The following PROS1 variants were observed in gnomAD, a reference collection of about 807,000 sequenced individuals.
PROS1 encodes the protein protein S, also known as vitamin K-dependent protein S.
Under a neutral mutation model 75.9 loss-of-function variants are expected in PROS1, and 29 were observed. That is an observed-to-expected ratio of 0.38 (90% CI 0.28 to 0.52). The LOEUF (loss-of-function observed/expected upper bound fraction) is 0.52, where lower values mean the gene tolerates loss of function less well. Among genes scored for constraint, PROS1 ranks in the 20% least tolerant of loss-of-function variants. PROS1 has a pLI of 0.83. For synonymous variants in PROS1, 245 were observed against 280.6 expected (o/e 0.87, Z 1.27); for missense variants, 680 against 810.3 (o/e 0.84, Z 1.95).
At chr3:93,918,034 G>A (rs1279977302) in intron 3 of PROS1, among the ~76,000 whole-genome samples, 1 of 152,188 alleles carries the variant, frequency 6.6e-6, no homozygotes, top group African/African-American at 2.4e-5. Context: ...ACTGGGTTAA[G>A]CCAGCTGCGC....
At chr3:93,914,095 G>A (rs1471341332) in intron 3 of PROS1, among the ~76,000 whole-genome samples, 3 of 152,246 alleles carry the variant, frequency 2.0e-5, no homozygotes, top group Non-Finnish European at 2.9e-5. Flanking sequence ...CTGGGCGTAG[G>A]CCATGCTGCG....
intron 4 of PROS1, among the ~76,000 whole-genome samples, chr3:93,907,711 A>G (rs1346788945): frequency 6.6e-6 from 1 of 152,228 alleles, no homozygotes; most frequent in Non-Finnish European, 1.5e-5. Context: ...TTCCAGCCAG[A>G]AAAGCAACAC....
At chr3:93,936,048 G>A (rs1030805454) in intron 1 of PROS1, among the ~76,000 whole-genome samples, 9 of 144,876 alleles carry the variant, frequency 6.2e-5, no homozygotes, top group Non-Finnish European at 1.2e-4. Context: ...CATTTTCATT[G>A]TACTTGGCAA....
rs1229022948 is a variant in PROS1 at position 93,884,862 on chromosome 3, C to T, written c.1358G>A (p.Trp453Ter). Reference sequence around the variant, plus strand: ...AGAAGCTCCTTGCTTCATCAAATTCCAGCTTCGTATACATCCATCTAGACG... The same window carrying T: ...AGAAGCTCCTTGCTTCATCAAATTCTAGCTTCGTATACATCCATCTAGACG... ...NPRLDGCIRS[W>*]NLMKQGASGI... is the part of the protein sequence containing the mutation. The change falls in exon 12 of 15, where the codon TGG becomes TAG. Residue 453 changes from tryptophan (W) to a stop codon, truncating the protein, a stop_gained. Coordinates refer to ENST00000394236, the MANE Select transcript of PROS1 (RefSeq NM_000313.4). LOFTEE classifies it high-confidence loss of function. 1 of 1,613,104 alleles carries T rather than the reference C, an allele frequency of 6.2e-7. No individual in the cohort carries two copies. The highest frequency in any genetic ancestry group is 1.3e-5 in the African/African-American group (1 of 74,828).
chr3:93,889,464 T>C (rs1419883405), intron 10 of PROS1, among the ~76,000 whole-genome samples: 2 of 152,222 alleles, frequency 1.3e-5, no homozygotes, highest in African/African-American at 4.8e-5. Flanking sequence ...GATGTAATCA[T>C]TTATAAATTC....
chr3:93,913,196 C>A (rs1708786137), intron 3 of PROS1, among the ~76,000 whole-genome samples: 1 of 152,156 alleles, frequency 6.6e-6, no homozygotes, highest in African/African-American at 2.4e-5. Context: ...CATTCGTTCT[C>A]CTTCCTGCTG....
intron 6 of PROS1, among the ~76,000 whole-genome samples, chr3:93,902,390 C>T (rs1433311026): frequency 6.6e-5 from 10 of 152,140 alleles, no homozygotes; most frequent in Non-Finnish European, 4.4e-5. Flanking sequence ...TTATTTAGAT[C>T]ATACAAGTTT....
At chr3:93,949,041 G>T (rs868419208) in intron 1 of PROS1, among the ~76,000 whole-genome samples, 1 of 152,140 alleles carries the variant, frequency 6.6e-6, no homozygotes, top group Non-Finnish European at 1.5e-5. Flanking sequence ...TGTTTATCAG[G>T]CTCCAGGATT....
chr3:93,878,029 G>A (rs1708217308), intron 13 of PROS1, among the ~76,000 whole-genome samples: 1 of 152,096 alleles, frequency 6.6e-6, no homozygotes, highest in Admixed American at 6.6e-5. Context: ...AATGATCAAT[G>A]ATATCTGGAA....
chr3:93,955,231 T>G (rs1449161421), intron 1 of PROS1, among the ~76,000 whole-genome samples: 1 of 152,200 alleles, frequency 6.6e-6, no homozygotes, highest in Non-Finnish European at 1.5e-5. Context: ...ACTGGGTATA[T>G]ACCCAAAGGA....
rs148869673 is a variant in PROS1, at chr3:93,886,411, C to T, written c.1248G>A (p.Pro416=). The change falls in exon 11 of 15, where the codon CCG becomes CCA. Residue 416 remains proline (P), a synonymous_variant. Coordinates refer to ENST00000394236, the MANE Select transcript of PROS1 (RefSeq NM_000313.4). Reference sequence around the variant, plus strand: ...CTTTGGTTTCCAGCAATCCATTTTCCGGCTTAAAAAGGGGTCCAGGTTTAT... The same window carrying T: ...CTTTGGTTTCCAGCAATCCATTTTCTGGCTTAAAAAGGGGTCCAGGTTTAT... ...DINKPGPLFK[P]ENGLLETKVY... The T allele has an allele frequency of 1.3e-4, 206 of 1,613,806 alleles. No individual in the cohort carries two copies. The African/African-American group carries it at 1.5e-3, about 12-fold the overall frequency.
intron 6 of PROS1, among the ~76,000 whole-genome samples, chr3:93,904,915 T>G (rs1456174664): frequency 1.3e-5 from 2 of 152,134 alleles, no homozygotes; most frequent in Non-Finnish European, 2.9e-5. Context: ...AATATTTAAG[T>G]CTGAAGAAGA....
chr3:93,952,376 G>A (rs1285986123), intron 1 of PROS1, among the ~76,000 whole-genome samples: 3 of 152,048 alleles, frequency 2.0e-5, no homozygotes, highest in Non-Finnish European at 4.4e-5. Flanking sequence ...ATAACAAACT[G>A]TCTCTCAGAC....
intron 14 of PROS1, among the ~76,000 whole-genome samples, 168 bp from the exon 15 acceptor site, chr3:93,874,573 C>T (rs1168593774): frequency 1.3e-5 from 2 of 152,138 alleles, no homozygotes; most frequent in African/African-American, 4.8e-5. Flanking sequence ...CGCCGATATA[C>T]ATGTTACTGT....
intron 1 of PROS1, among the ~76,000 whole-genome samples, chr3:93,964,048 G>C (rs1293074811): frequency 6.6e-6 from 1 of 152,120 alleles, no homozygotes; most frequent in Non-Finnish European, 1.5e-5. Context: ...TCTTATGCTT[G>C]TCTTACTTTA....
intron 1 of PROS1, among the ~76,000 whole-genome samples, chr3:93,964,204 A>C (rs1041138009): frequency 1.3e-5 from 2 of 152,182 alleles, no homozygotes; most frequent in African/African-American, 2.4e-5. Flanking sequence ...ACAGAATAAC[A>C]GTGATTTTAG....
At chr3:93,922,714 C>T (rs1708960153) in intron 3 of PROS1, among the ~76,000 whole-genome samples, 1 of 151,954 alleles carries the variant, frequency 6.6e-6, no homozygotes, top group East Asian at 1.9e-4. Context: ...CAAATTAGAG[C>T]CATTGGCCTA....
At chr3:93,923,542 A>G (rs567663623) in intron 3 of PROS1, among the ~76,000 whole-genome samples, 78 of 152,344 alleles carry the variant, frequency 5.1e-4, no homozygotes, top group African/African-American at 1.7e-3. Flanking sequence ...AAATTCTTGC[A>G]TGTAACTTTA....
chr3:93,903,320 A>G (rs1708625265), intron 6 of PROS1, among the ~76,000 whole-genome samples: 1 of 152,166 alleles, frequency 6.6e-6, no homozygotes, highest in Non-Finnish European at 1.5e-5. Flanking sequence ...ACACATATAT[A>G]TGTGTATTAA....
Sources: gnomAD v4.1 joint callset for allele counts (sites outside exome capture counted in the v4.1 genomes callset) on GRCh38, gnomAD v4.1.1 for gene constraint, MANE v1.5 for transcripts, NCBI Gene and HGNC (gene_info 2026-07-23, HGNC 2026-07-21) for gene names.